FAM222B: variants seen among roughly 807,000 people sequenced by gnomAD.
FAM222B encodes the protein protein FAM222B.
A neutral mutation model predicts 38.0 loss-of-function variants in FAM222B; 12 were observed. The ratio of observed to expected loss-of-function variants is 0.32; its 90% CI spans 0.20 to 0.51. The LOEUF (loss-of-function observed/expected upper bound fraction) is 0.51, where lower values mean the gene tolerates loss of function less well. Ranked by LOEUF, FAM222B falls within the 20% of genes least tolerant of loss-of-function variation. The pLI, the probability that FAM222B is intolerant of heterozygous loss-of-function variation, is 0.97. For missense variants in FAM222B, 716 were observed against 754.2 expected (o/e 0.95, Z 0.59); for synonymous variants, 329 against 317.2 (o/e 1.04, Z -0.40).
chr17:28,834,225 A>G (rs2038763142), intron 1 of FAM222B: 1 of 152,214 alleles, frequency 6.6e-6, no homozygotes, highest in African/African-American at 2.4e-5. Flanking sequence ...TGTGCCTTTT[A>G]AAGTCTAACT....
At chr17:28,817,558 T>C (rs2038069134) in intron 1 of FAM222B, among the ~76,000 whole-genome samples, 1 of 151,906 alleles carries the variant, frequency 6.6e-6, no homozygotes. Context: ...CTGTCTCTAC[T>C]AAAAATACAA....
At chr17:28,768,866 A>T (rs2035472418) in intron 1 of FAM222B, among the ~76,000 whole-genome samples, 1 of 148,140 alleles carries the variant, frequency 6.8e-6, no homozygotes. Context: ...AAAAAGAGAG[A>T]CTTCTGTTGG....
intron 1 of FAM222B, among the ~76,000 whole-genome samples, chr17:28,816,632 A>T (rs569535794): frequency 4.5e-4 from 68 of 151,958 alleles, no homozygotes; most frequent in African/African-American, 1.5e-3. Context: ...AGAACGGAAT[A>T]AAAAAAACAA....
At chr17:28,780,882 CA>C (rs373481789) in intron 1 of FAM222B, among the ~76,000 whole-genome samples, 85 of 143,360 alleles carry the variant, frequency 5.9e-4, no homozygotes, top group Middle Eastern at 3.5e-3. Flanking sequence ...AACTCCGTCT[CA>C]AAAAAAAAAC....
At chr17:28,839,233 AGCC>A in intron 1 of FAM222B, among the ~76,000 whole-genome samples, 1 of 152,162 alleles carries the variant, frequency 6.6e-6, no homozygotes, top group African/African-American at 2.4e-5. Flanking sequence ...GATAATAATA[AGCC>A]AATAAATATT....
chr17:28,789,371 G>A (rs915260221), intron 1 of FAM222B, among the ~76,000 whole-genome samples: 2 of 150,832 alleles, frequency 1.3e-5, no homozygotes, highest in African/African-American at 4.9e-5. Flanking sequence ...CTAATTTTTT[G>A]TATTCTTAGT....
At chr17:28,825,575 A>T (rs1212146191) in intron 1 of FAM222B, among the ~76,000 whole-genome samples, 1 of 151,802 alleles carries the variant, frequency 6.6e-6, no homozygotes, top group Non-Finnish European at 1.5e-5. Context: ...CACTGGCCTG[A>T]TTTCTGTTCC....
intron 1 of FAM222B, among the ~76,000 whole-genome samples, chr17:28,793,914 T>G (rs892361479): frequency 4.6e-5 from 7 of 151,782 alleles, no homozygotes; most frequent in African/African-American, 1.7e-4. Context: ...CCAGGCTAAT[T>G]TTTTTTGCAT....
At chr17:28,785,528 T>C (rs190200903) in intron 1 of FAM222B, among the ~76,000 whole-genome samples, 1 of 152,188 alleles carries the variant, frequency 6.6e-6, no homozygotes, top group Non-Finnish European at 1.5e-5. Flanking sequence ...ATGATGATGA[T>C]GAGGATGAGG....
chr17:28,775,911 A>C (rs945810823), intron 1 of FAM222B, among the ~76,000 whole-genome samples: 1 of 150,094 alleles, frequency 6.7e-6, no homozygotes, highest in African/African-American at 2.4e-5. Flanking sequence ...AAAACAAAAA[A>C]ACAAAAAAAA....
chr17:28,827,272 G>C (rs1367696357), intron 1 of FAM222B, among the ~76,000 whole-genome samples: 1 of 152,020 alleles, frequency 6.6e-6, no homozygotes, highest in African/African-American at 2.4e-5. Flanking sequence ...CAGGAGGATT[G>C]CTTGAGCCCA....
At chr17:28,837,213 G>A (rs901571459) in intron 1 of FAM222B, among the ~76,000 whole-genome samples, 4 of 152,076 alleles carry the variant, frequency 2.6e-5, no homozygotes, top group Non-Finnish European at 4.4e-5. Flanking sequence ...GGTGGATCAC[G>A]AGGTCAGGAG....
At chr17:28,837,041 G>A (rs1328159129) in intron 1 of FAM222B, among the ~76,000 whole-genome samples, 4 of 152,196 alleles carry the variant, frequency 2.6e-5, no homozygotes, top group East Asian at 1.9e-4. Context: ...GCTTGAACCC[G>A]GGCAGTGGAG....
intron 2 of FAM222B, among the ~76,000 whole-genome samples, chr17:28,762,602 G>A (rs2035133396): frequency 7.2e-6 from 1 of 138,830 alleles, no homozygotes; most frequent in South Asian, 2.3e-4. Flanking sequence ...ACTCCAGCCT[G>A]GGTGACAGAG....
rs977374542 is a variant in FAM222B at position 28,830,829 on chromosome 17, AAAAAT to A, written c.-41+11848_-41+11852del. Among the ~76,000 whole-genome samples the A allele has an allele frequency of 7.0e-3, 1,067 of 151,520 alleles. 6 individuals are homozygous for A. Among genetic ancestry groups the A allele is most frequent in the Non-Finnish European group, 0.01 (687 of 67,888 alleles). The stretch of plus-strand genomic sequence containing the variant: ...GGCAAAACCCCATCTCTATTAAAAA[AAAAAT>A]AAAATAAAATAAAGTTAAAATAAAA... On this transcript the variant is annotated intron_variant, in intron 1 of 2. Transcript: ENST00000581407.
In FAM222B at chr17:28,779,623, C is replaced by T. The variant is rs538580683; in HGVS notation, c.-40-12916G>A. On this transcript the variant is annotated intron_variant, in intron 1 of 2. Coordinates refer to ENST00000581407, the MANE Select transcript of FAM222B (RefSeq NM_001077498.3). ...AAAATTAGCCGGGTGTGGTGGCGGG[C>T]GCCTGTAGTCCCAGCTACTCTGGAA... Among the ~76,000 whole-genome samples, 114 of 151,906 alleles carry T rather than the reference C, an allele frequency of 7.5e-4. 1 individual carries two copies. In the South Asian group the frequency reaches 0.018, roughly 24 times the overall value.
chr17:28,837,277 A>C (rs1031332014), intron 1 of FAM222B, among the ~76,000 whole-genome samples: 5 of 151,790 alleles, frequency 3.3e-5, no homozygotes, highest in Non-Finnish European at 7.4e-5. Context: ...AAAAACACAA[A>C]AAATTAGCTG....
chr17:28,759,940 C>A lies in FAM222B; in HGVS notation c.83-64G>T. ...GGGAGCTCATCAGTGCCAAGGCAAA[C>A]AGCCCTTCCAGATTCCCCTTTTGAG... is the stretch of plus-strand genomic sequence containing the variant. On this transcript the variant is annotated intron_variant, in intron 2 of 2. Transcript: ENST00000581407. The surrounding 1 kb of genome is among the most constrained non-coding windows in gnomAD (Gnocchi z 4.8). 7.0e-7 allele frequency: 1 copy of A among 1,419,116 alleles called. No homozygotes were observed. Among genetic ancestry groups the A allele is most frequent in the Non-Finnish European group, 9.4e-7 (1 of 1,069,348 alleles). 87.9% of individuals were successfully genotyped at this position (1,419,116 alleles called of 1,614,324 possible).
At chr17:28,791,675 A>ATTTT (rs869183871) in intron 1 of FAM222B, among the ~76,000 whole-genome samples, 1,949 of 116,810 alleles carry the variant, frequency 0.017, 50 homozygotes, top group Non-Finnish European at 0.027. Context: ...GAGCCCAGGA[A>ATTTT]TTTTTTTTTT....
Sources: allele counts gnomAD v4.1 joint callset (sites outside exome capture counted in the v4.1 genomes callset), GRCh38; gene constraint gnomAD v4.1.1; non-coding constraint Gnocchi (gnomAD v3.1); transcripts MANE v1.5; gene names NCBI Gene and HGNC (gene_info 2026-07-23, HGNC 2026-07-21).